Variants in FHOD3 observed in about 807,000 individuals in gnomAD.
FHOD3 encodes the protein formin homology 2 domain containing 3, also known as FH1/FH2 domain-containing protein 3.
FHOD3 carries 90 observed loss-of-function variants against 173.0 expected under a neutral mutation model. That is an observed-to-expected ratio of 0.52 (90% CI 0.44 to 0.62). FHOD3 has a LOEUF of 0.62. FHOD3 is among the 20% of genes least tolerant of loss of function. The pLI is 0.00. For missense variants in FHOD3, 1,945 were observed against 2,034.7 expected, an observed-to-expected ratio of 0.96 and a Z score of 0.85; for synonymous variants, 828 against 823.0, an observed-to-expected ratio of 1.01 and a Z score of -0.10.
intron 2 of FHOD3, among the ~76,000 whole-genome samples, chr18:36,371,407 A>T (rs2047180739): frequency 6.6e-6 from 1 of 152,234 alleles, no homozygotes; most frequent in South Asian, 2.1e-4. Context: ...GCAAAGGCAC[A>T]TCTTACATGG....
chr18:36,548,664 T>C (rs981272166), intron 5 of FHOD3, among the ~76,000 whole-genome samples: 2 of 152,188 alleles, frequency 1.3e-5, no homozygotes, highest in African/African-American at 4.8e-5. Context: ...TTTTCTACAA[T>C]TGTGTATGAA....
intron 3 of FHOD3, among the ~76,000 whole-genome samples, chr18:36,423,644 G>A (rs548203580): frequency 5.1e-4 from 78 of 152,242 alleles, no homozygotes; most frequent in African/African-American, 1.7e-3. Context: ...GCATAGTGTC[G>A]AAGCACCATG....
At chr18:36,508,309 C>G (rs908772296) in intron 4 of FHOD3, among the ~76,000 whole-genome samples, 34 of 150,580 alleles carry the variant, frequency 2.3e-4, no homozygotes, top group African/African-American at 8.1e-4. Context: ...ATAATCAATT[C>G]ATTAGCAAAA....
At chr18:36,545,543 T>C (rs555093300) in intron 5 of FHOD3, among the ~76,000 whole-genome samples, 34 of 152,360 alleles carry the variant, frequency 2.2e-4, no homozygotes, top group Non-Finnish European at 3.5e-4. Flanking sequence ...GTTGATAACA[T>C]GTCAGTGTTA....
intron 10 of FHOD3, among the ~76,000 whole-genome samples, chr18:36,646,008 C>G (rs552685202): frequency 6.6e-6 from 1 of 152,010 alleles, no homozygotes; most frequent in South Asian, 2.1e-4. Flanking sequence ...AGATTTGGAA[C>G]AAGAAAAGGA....
chr18:36,721,481 A>G (rs2040785527), intron 19 of FHOD3, among the ~76,000 whole-genome samples: 4 of 152,076 alleles, frequency 2.6e-5, no homozygotes, highest in Non-Finnish European at 4.4e-5. Flanking sequence ...TCTCTATAAA[A>G]TGTACACACA....
At chr18:36,578,395 C>T (rs1156696413) in intron 6 of FHOD3, among the ~76,000 whole-genome samples, 1 of 152,162 alleles carries the variant, frequency 6.6e-6, no homozygotes, top group African/African-American at 2.4e-5. Context: ...GAAAAACCCA[C>T]CCTCATGATT....
At chr18:36,626,477 A>G (rs2644254) in intron 10 of FHOD3, among the ~76,000 whole-genome samples, 113,305 of 152,096 alleles carry the variant, frequency 0.74, 42,991 homozygotes, top group South Asian at 0.9. Context: ...GAGTGGTTCT[A>G]TAGTATAGAG....
chr18:36,383,745 C>T (rs2047899874), intron 3 of FHOD3, among the ~76,000 whole-genome samples: 2 of 152,240 alleles, frequency 1.3e-5, no homozygotes, highest in African/African-American at 2.4e-5. Flanking sequence ...ATCAGAATTA[C>T]TGTTCCCACT....
At chr18:36,407,249 C>CT (rs2049117491) in intron 3 of FHOD3, among the ~76,000 whole-genome samples, 1 of 152,054 alleles carries the variant, frequency 6.6e-6, no homozygotes, top group Admixed American at 6.5e-5. Context: ...GGCCACAGAG[C>CT]TTTTTTGGGT....
rs148756251 is a variant in FHOD3, at chr18:36,594,887, A to G, written c.707A>G (p.Asp236Gly). 4.3e-6 allele frequency: 7 copies of G among 1,611,888 alleles called. No individual in the cohort carries two copies. The African/African-American group carries it at 9.3e-5, about 22-fold the overall frequency. The change falls in exon 7 of 29, where the codon GAC becomes GGC. Residue 236 changes from aspartate to glycine, a missense_variant. Around this residue, in one of 5 missense-constraint regions of FHOD3, gnomAD observed 16 missense variants for 34.0 expected, o/e 0.47. Transcript: ENST00000590592. ...CTAATTCAGGCTGTCACTGCTGTTG[A>G]CACGAAAAGAGGTGAGTAGTCCCTG... ...PLLIQAVTAVDTKRGVKPWSN... is the reference protein window; with the variant it reads ...PLLIQAVTAVGTKRGVKPWSN...
intron 2 of FHOD3, among the ~76,000 whole-genome samples, chr18:36,357,532 T>C (rs987667351): frequency 1.3e-5 from 2 of 152,088 alleles, no homozygotes; most frequent in African/African-American, 4.8e-5. Context: ...GGCACACCAA[T>C]AGTATGTGAG....
chr18:36,337,730 T>C (rs2045394813), intron 1 of FHOD3, among the ~76,000 whole-genome samples: 1 of 152,188 alleles, frequency 6.6e-6, no homozygotes, highest in African/African-American at 2.4e-5. Flanking sequence ...ATTTTAAAAG[T>C]TGTGGCAGGG....
intron 1 of FHOD3, among the ~76,000 whole-genome samples, chr18:36,312,240 C>T (rs2092274910): frequency 6.6e-6 from 1 of 152,156 alleles, no homozygotes; most frequent in Non-Finnish European, 1.5e-5. Context: ...TTCACCTGCC[C>T]TCTCTAGTCC....
At chr18:36,522,377 C>A (rs186543686) in intron 5 of FHOD3, among the ~76,000 whole-genome samples, 1 of 152,286 alleles carries the variant, frequency 6.6e-6, no homozygotes, top group Admixed American at 6.5e-5. Flanking sequence ...CAGTATAGCA[C>A]AAGGTGATTT....
chr18:36,740,860 C>A, intron 21 of FHOD3, 22 bp downstream of exon 21: 1 of 1,594,750 alleles, frequency 6.3e-7, no homozygotes, highest in Non-Finnish European at 8.5e-7. Context: ...GTAAGAGAGG[C>A]CGCTGATCCC....
chr18:36,580,652 T>C (rs75486115), intron 6 of FHOD3, among the ~76,000 whole-genome samples: 2 of 152,066 alleles, frequency 1.3e-5, no homozygotes, highest in Non-Finnish European at 2.9e-5. Flanking sequence ...ACCAATAGAG[T>C]GTCTGCTGAT....
intron 15 of FHOD3, among the ~76,000 whole-genome samples, chr18:36,686,032 A>G (rs1486193193): frequency 1.3e-5 from 2 of 152,080 alleles, no homozygotes; most frequent in Non-Finnish European, 2.9e-5. Context: ...GTCACTGTGG[A>G]TGACAGTGTG....
chr18:36,696,182 A>C (rs755878422), intron 17 of FHOD3, among the ~76,000 whole-genome samples: 1 of 152,178 alleles, frequency 6.6e-6, no homozygotes, highest in African/African-American at 2.4e-5. Flanking sequence ...ATCTTGGCAC[A>C]GTGCTGGGAG....
Sources: gnomAD v4.1 joint callset for allele counts (sites outside exome capture counted in the v4.1 genomes callset) on GRCh38, gnomAD v4.1.1 for gene constraint, gnomAD v4.1.1 regional missense constraint, MANE v1.5 for transcripts, NCBI Gene and HGNC (gene_info 2026-07-23, HGNC 2026-07-21) for gene names.